The following RIGI variants were observed in gnomAD, a reference collection of about 807,000 sequenced individuals.
The protein encoded by RIGI is antiviral innate immune response receptor RIG-I.
chr9:32,524,747 A>G, the RIGI span, among the ~76,000 whole-genome samples: 1 of 151,462 alleles, frequency 6.6e-6, no homozygotes, highest in East Asian at 1.9e-4. Context: ...GGACTACAGG[A>G]GTGCACCACT....
At chr9:32,475,260 G>T in the RIGI span, among the ~76,000 whole-genome samples, 1 of 151,956 alleles carries the variant, frequency 6.6e-6, no homozygotes, top group Non-Finnish European at 1.5e-5. Flanking sequence ...CCTCAGTTTT[G>T]TGTTCAGATT....
chr9:32,502,057 C>T, the RIGI span, among the ~76,000 whole-genome samples: 1 of 152,186 alleles, frequency 6.6e-6, no homozygotes, highest in Non-Finnish European at 1.5e-5. Flanking sequence ...AAACACTAAT[C>T]AAATTGAGTC....
chr9:32,504,038 A>AACACACACACACACACACACACACACAC, the RIGI span, among the ~76,000 whole-genome samples: 305 of 135,752 alleles, frequency 2.2e-3, 1 homozygote, highest in African/African-American at 6.4e-3. Flanking sequence ...CAAGACTCCA[A>AACACACACACACACACACACACACACAC]ACACACACAC....
chr9:32,520,856 GTGA>G, the RIGI span, among the ~76,000 whole-genome samples: 1 of 88,056 alleles, frequency 1.1e-5, no homozygotes, highest in African/African-American at 4.8e-5. Flanking sequence ...GCCGGGGCTG[GTGA>G]CTCAGGCCGG....
At chr9:32,510,946 T>C in the RIGI span, among the ~76,000 whole-genome samples, 8 of 150,888 alleles carry the variant, frequency 5.3e-5, no homozygotes, top group East Asian at 9.7e-4. Context: ...AATCCCAGTC[T>C]CTGATAAAAC....
At chr9:32,487,130 C>T in the RIGI span, among the ~76,000 whole-genome samples, 1 of 152,212 alleles carries the variant, frequency 6.6e-6, no homozygotes, top group African/African-American at 2.4e-5. Context: ...ACCACACAGG[C>T]ACAGAGCATG....
the RIGI span, chr9:32,485,299 A>G: frequency 6.7e-7 from 1 of 1,499,012 alleles, no homozygotes; most frequent in South Asian, 1.2e-5. Context: ...TCAAAAAAAA[A>G]AGAAAAAGAA....
chr9:32,498,706 G>C, the RIGI span, among the ~76,000 whole-genome samples: 13 of 152,240 alleles, frequency 8.5e-5, no homozygotes, highest in African/African-American at 3.1e-4. Flanking sequence ...ATTCCAGCTG[G>C]GTGCAGTGGC....
At chr9:32,500,747 G>T in the RIGI span, 1 of 1,573,756 alleles carries the variant, frequency 6.4e-7, no homozygotes, top group Non-Finnish European at 8.6e-7. Context: ...CACTTTTACA[G>T]TATTGTCAAG....
the RIGI span, among the ~76,000 whole-genome samples, chr9:32,511,934 C>T: frequency 1.3e-5 from 2 of 152,178 alleles, no homozygotes; most frequent in Non-Finnish European, 2.9e-5. Context: ...AAACTACCAT[C>T]ACAGAATACT....
At chr9:32,485,942 G>C in the RIGI span, among the ~76,000 whole-genome samples, 2 of 152,192 alleles carry the variant, frequency 1.3e-5, no homozygotes, top group East Asian at 3.9e-4. Context: ...TCTGTGCTTT[G>C]ATATTCTCCC....
chr9:32,497,240 A>G, the RIGI span, among the ~76,000 whole-genome samples: 1 of 152,070 alleles, frequency 6.6e-6, no homozygotes, highest in African/African-American at 2.4e-5. Context: ...TTTCCAGGGT[A>G]TGAGTCTTTT....
At chr9:32,521,488 C>A in the RIGI span, among the ~76,000 whole-genome samples, 3 of 152,190 alleles carry the variant, frequency 2.0e-5, no homozygotes, top group East Asian at 5.8e-4. Context: ...TTTGTAGCGA[C>A]CTGTGATCCT....
At chr9:32,472,572 T>TA in the RIGI span, among the ~76,000 whole-genome samples, 1 of 152,238 alleles carries the variant, frequency 6.6e-6, no homozygotes, top group Non-Finnish European at 1.5e-5. Flanking sequence ...GTGAGCCTTT[T>TA]AAAAGACGGC....
the RIGI span, chr9:32,459,520 GC>G: frequency 6.2e-7 from 1 of 1,600,080 alleles, no homozygotes; most frequent in South Asian, 1.1e-5. Context: ...AGAATCTAAT[GC>G]AAAAAGAAAG....
the RIGI span, among the ~76,000 whole-genome samples, chr9:32,474,823 T>C: frequency 6.6e-6 from 1 of 152,218 alleles, no homozygotes; most frequent in African/African-American, 2.4e-5. Flanking sequence ...TTTAGGGTAA[T>C]TGTTCCTCAG....
At chr9:32,497,746 G>A in the RIGI span, among the ~76,000 whole-genome samples, 1 of 152,042 alleles carries the variant, frequency 6.6e-6, no homozygotes, top group Admixed American at 6.6e-5. Context: ...GCGAGACTCC[G>A]TCTCAAAAAA....
chr9:32,516,119 C>G, the RIGI span, among the ~76,000 whole-genome samples: 1 of 152,152 alleles, frequency 6.6e-6, no homozygotes, highest in Non-Finnish European at 1.5e-5. Context: ...ACCACCAGGC[C>G]TCTCAAAAAG....
the RIGI span, chr9:32,492,354 TCCTAAGTA>T: frequency 6.2e-7 from 1 of 1,611,156 alleles, no homozygotes; most frequent in Non-Finnish European, 8.5e-7. Context: ...AATGAGCGAG[TCCTAAGTA>T]GAGCTGTGAG....
Sources: allele counts gnomAD v4.1 joint callset (sites outside exome capture counted in the v4.1 genomes callset), GRCh38; gene constraint gnomAD v4.1.1; transcripts MANE v1.5; gene names NCBI Gene and HGNC (gene_info 2026-07-23, HGNC 2026-07-21).